Variants in CA10 observed in about 807,000 individuals in gnomAD.
CA10 encodes the protein carbonic anhydrase-related protein 10.
In CA10, 14 loss-of-function variants were observed where a neutral mutation model predicts 44.2. That is an observed-to-expected ratio of 0.32 (90% CI 0.21 to 0.50). The LOEUF is 0.50. Ranked by LOEUF, CA10 falls within the 20% of genes least tolerant of loss-of-function variation. The pLI is 0.99. For missense variants in CA10, 350 were observed against 409.7 expected (o/e 0.85, Z 1.26); for synonymous variants, 159 against 141.6 (o/e 1.12, Z -0.87).
At chr17:52,045,885 A>G (rs1986898803) in intron 2 of CA10, among the ~76,000 whole-genome samples, 2 of 152,008 alleles carry the variant, frequency 1.3e-5, no homozygotes, top group African/African-American at 4.8e-5. Context: ...GTTAAGACGT[A>G]TGACAATCAC....
At chr17:51,895,612 T>C (rs16950715) in intron 3 of CA10, among the ~76,000 whole-genome samples, 3,077 of 152,164 alleles carry the variant, frequency 0.02, 87 homozygotes, top group African/African-American at 0.07. Context: ...ATGGAATTGT[T>C]AAGTAGGTAG....
chr17:51,651,890 T>A (rs1022427513), intron 5 of CA10, among the ~76,000 whole-genome samples: 1 of 152,204 alleles, frequency 6.6e-6, no homozygotes, highest in African/African-American at 2.4e-5. Context: ...GACAATATTG[T>A]GACCTATCTA....
At chr17:51,783,717 G>A (rs923485804) in intron 3 of CA10, among the ~76,000 whole-genome samples, 1 of 152,212 alleles carries the variant, frequency 6.6e-6, no homozygotes, top group African/African-American at 2.4e-5. Context: ...CTTTTCCTTG[G>A]ATAAATGAGA....
chr17:51,959,292 G>C (rs796317508), intron 2 of CA10, among the ~76,000 whole-genome samples: 23,741 of 138,098 alleles, frequency 0.17, 2,258 homozygotes, highest in South Asian at 0.33. Context: ...CTGTGTGTGT[G>C]TGTGTGTGTG....
chr17:51,887,251 AC>A (rs1339518375), intron 3 of CA10, among the ~76,000 whole-genome samples: 1 of 151,886 alleles, frequency 6.6e-6, no homozygotes, highest in Non-Finnish European at 1.5e-5. Context: ...CTTCTTAAAT[AC>A]CCCCTCCAAT....
chr17:52,072,742 A>T (rs1452901184), intron 1 of CA10, among the ~76,000 whole-genome samples: 1 of 148,912 alleles, frequency 6.7e-6, no homozygotes, highest in Non-Finnish European at 1.5e-5. Flanking sequence ...CTCCTGCTGA[A>T]ACTGAGGAGA....
At chr17:51,823,852 T>C (rs1294619465) in intron 3 of CA10, among the ~76,000 whole-genome samples, 1 of 152,238 alleles carries the variant, frequency 6.6e-6, no homozygotes, top group Non-Finnish European at 1.5e-5. Flanking sequence ...TTAGGCTATG[T>C]TAGGCATTGT....
rs558842157 is a variant in CA10 at position 51,783,062 on chromosome 17, A to G, written c.280-35244T>C. Among the ~76,000 whole-genome samples the G allele has an allele frequency of 4.9e-4, 74 of 152,356 alleles. 1 individual carries two copies. Among genetic ancestry groups the G allele is most frequent in the Non-Finnish European group, 9.8e-4 (67 of 68,030 alleles). On this transcript the variant is annotated intron_variant, in intron 3 of 8. Transcript: ENST00000451037. ...TGCTGAGTGACATAATATGGGAAGT[A>G]GACTTTTTATCTACAATCACCCAGC... is the stretch of plus-strand genomic sequence containing the variant.
At chr17:52,059,653 C>G (rs2143085801) in intron 2 of CA10, among the ~76,000 whole-genome samples, 1 of 148,720 alleles carries the variant, frequency 6.7e-6, no homozygotes, top group Admixed American at 6.9e-5. Context: ...CACATGTACC[C>G]TAGAACTTAA....
chr17:52,069,874 A>G (rs1311330382), intron 2 of CA10, among the ~76,000 whole-genome samples: 1 of 152,190 alleles, frequency 6.6e-6, no homozygotes, highest in Non-Finnish European at 1.5e-5. Flanking sequence ...GGACGATAAA[A>G]CTAGTTCAGT....
chr17:51,853,299 C>T (rs994262704), intron 3 of CA10, among the ~76,000 whole-genome samples: 7 of 152,148 alleles, frequency 4.6e-5, no homozygotes, highest in African/African-American at 9.7e-5. Flanking sequence ...CATTGCCACC[C>T]GGTGTCCCTG....
chr17:51,674,682 C>T (rs535824211), intron 4 of CA10, among the ~76,000 whole-genome samples: 25 of 152,242 alleles, frequency 1.6e-4, no homozygotes, highest in East Asian at 1.4e-3. Context: ...TGTGCTCTTC[C>T]GCTGCTGGTA....
At chr17:51,805,354 A>G (rs1437124226) in intron 3 of CA10, among the ~76,000 whole-genome samples, 2 of 152,236 alleles carry the variant, frequency 1.3e-5, no homozygotes, top group African/African-American at 2.4e-5. Flanking sequence ...AGATTTTATT[A>G]TAATTCCTGA....
At position 51,719,349 on chromosome 17, in the gene CA10, T is replaced by C. The variant is rs547652421; in HGVS notation, c.465+28284A>G. Reference sequence around the variant, plus strand: ...CTCACCACTGAACCTAGGTGACACCTGAGGTTCGCTTGTTGCTGAAAAGTA... The same window carrying C: ...CTCACCACTGAACCTAGGTGACACCCGAGGTTCGCTTGTTGCTGAAAAGTA... On this transcript the variant is annotated intron_variant, in intron 4 of 8. Coordinates refer to ENST00000451037, the MANE Select transcript of CA10 (RefSeq NM_020178.5). Among the ~76,000 whole-genome samples, 16 of 152,292 alleles carry C rather than the reference T, an allele frequency of 1.1e-4. No individual in the cohort carries two copies. The South Asian group carries it at 3.3e-3, about 32-fold the overall frequency.
intron 2 of CA10, among the ~76,000 whole-genome samples, chr17:51,961,380 G>A (rs758673311): frequency 6.6e-5 from 10 of 151,584 alleles, no homozygotes; most frequent in Non-Finnish European, 1.3e-4. Flanking sequence ...AATAACCTAG[G>A]TTTCCATATT....
chr17:51,802,849 C>T (rs952942933), intron 3 of CA10, among the ~76,000 whole-genome samples: 3 of 152,178 alleles, frequency 2.0e-5, no homozygotes, highest in African/African-American at 7.2e-5. Flanking sequence ...TCCAAGGAGT[C>T]AAGCTCTATC....
At chr17:51,920,460 T>C (rs1328138792) in intron 3 of CA10, among the ~76,000 whole-genome samples, 2 of 151,768 alleles carry the variant, frequency 1.3e-5, no homozygotes, top group African/African-American at 4.8e-5. Context: ...AGAAGAAGTA[T>C]AGAGAAATAA....
chr17:51,922,864 AC>A (rs1273699697), intron 3 of CA10, among the ~76,000 whole-genome samples: 1 of 151,972 alleles, frequency 6.6e-6, no homozygotes, highest in Non-Finnish European at 1.5e-5. Flanking sequence ...TAACACACCT[AC>A]TTTTTCCTAG....
At chr17:51,997,566 A>G (rs1985280316) in intron 2 of CA10, among the ~76,000 whole-genome samples, 1 of 152,044 alleles carries the variant, frequency 6.6e-6, no homozygotes, top group South Asian at 2.1e-4. Flanking sequence ...AGAAGGAAAA[A>G]AGTACTTTGA....
Sources: gnomAD v4.1 joint callset for allele counts (sites outside exome capture counted in the v4.1 genomes callset) on GRCh38, gnomAD v4.1.1 for gene constraint, MANE v1.5 for transcripts, NCBI Gene and HGNC (gene_info 2026-07-23, HGNC 2026-07-21) for gene names.